Variants in SH3BP2 observed in about 807,000 individuals in gnomAD.
SH3BP2 encodes the protein SH3 domain-binding protein 2.
Under a neutral mutation model 56.2 loss-of-function variants are expected in SH3BP2, and 38 were observed. The observed-to-expected ratio is 0.68, with a 90% CI of 0.52 to 0.89. The LOEUF is 0.89. Among genes scored for constraint, SH3BP2 ranks in the 40% least tolerant of loss-of-function variants. The probability of loss-of-function intolerance (pLI) is 0.00; values close to 1 mark genes in which losing one functional copy is unlikely to be tolerated. For missense variants in SH3BP2, 748 were observed against 762.6 expected, an observed-to-expected ratio of 0.98 and a Z score of 0.23; for synonymous variants, 346 against 316.7, an observed-to-expected ratio of 1.09 and a Z score of -0.98.
chr4:2,803,721 C>T (rs1008928386), intron 1 of SH3BP2, among the ~76,000 whole-genome samples: 6 of 152,184 alleles, frequency 3.9e-5, no homozygotes, highest in African/African-American at 1.4e-4. Context: ...CTTCTCTTAC[C>T]TGCAACCCCA....
intron 1 of SH3BP2, among the ~76,000 whole-genome samples, chr4:2,804,554 G>T (rs1723449810): frequency 6.6e-6 from 1 of 152,208 alleles, no homozygotes; most frequent in Non-Finnish European, 1.5e-5. Context: ...GTCCTGCTGA[G>T]CTGGGCCCTG....
chr4:2,805,339 G>C (rs1723488609), intron 1 of SH3BP2, among the ~76,000 whole-genome samples: 2 of 152,208 alleles, frequency 1.3e-5, no homozygotes, highest in African/African-American at 4.8e-5. Flanking sequence ...GGAGGCCCAG[G>C]CTGCGCTTGG....
rs767056655 is a variant in SH3BP2 at position 2,833,878 on chromosome 4, C to G, written c.*44C>G. On this transcript the variant is annotated 3_prime_UTR_variant, in exon 13 of 13. Transcript: ENST00000503393. ...CCAGGCCAAGGCAGTCACAGGGGCC[C>G]TGACCCCAGGCCACACAGACGGACA... 2.0e-5 allele frequency: 31 copies of G among 1,529,442 alleles called. No homozygotes were observed. The highest frequency in any genetic ancestry group is 2.6e-5 in the Non-Finnish European group (30 of 1,139,322). 94.7% of individuals were successfully genotyped at this position (1,529,442 alleles called of 1,614,324 possible). A position where few individuals can be genotyped will look rare whatever the true frequency, so the allele number is the denominator to read the frequency against.
At chr4:2,833,290 TG>T in intron 12 of SH3BP2, 1 of 597,828 alleles carries the variant, frequency 1.7e-6, no homozygotes, top group Non-Finnish European at 3.0e-6. Flanking sequence ...CCATAGACCC[TG>T]GGTTGCTTGT....
chr4:2,833,024 T>C lies in SH3BP2; in HGVS notation c.1523T>C (p.Val508Ala). Reference protein sequence around the residue: ...LVVWDETSNKVRNYRIFEKDS... With the variant: ...LVVWDETSNKARNYRIFEKDS... ...GTGTGGGACGAAACCTCTAACAAAG[T>C]GAGGAACTATCGCATTTTTGAGAAG... The change falls in exon 12 of 13, where the codon GTG becomes GCG. Residue 508 changes from valine to alanine, a missense_variant. Physicochemically the swap from Val to Ala is moderately conservative, Grantham distance 64 (BLOSUM62 0). Transcript: ENST00000503393. The C allele has an allele frequency of 1.2e-6, 2 of 1,614,202 alleles. No homozygotes were observed. Among genetic ancestry groups the C allele is most frequent in the Non-Finnish European group, 8.5e-7 (1 of 1,180,028 alleles).
intron 1 of SH3BP2, among the ~76,000 whole-genome samples, chr4:2,805,584 G>C (rs1433378682): frequency 1.3e-5 from 2 of 152,236 alleles, no homozygotes; most frequent in Non-Finnish European, 2.9e-5. Context: ...AAGGACATGG[G>C]GGACGGACAT....
chr4:2,830,254 G>A (rs1219712613), intron 8 of SH3BP2, 107 bp downstream of exon 8: 12 of 1,115,528 alleles, frequency 1.1e-5, no homozygotes, highest in African/African-American at 3.1e-5. Flanking sequence ...CTTAGCCCAC[G>A]ACGGGGTACC....
rs1560117063 is a variant in SH3BP2 at position 2,836,713 on chromosome 4, C to A, written c.*2879C>A. 6.6e-6 allele frequency: 1 copy of A among 152,314 alleles called. No individual in the cohort carries two copies. Among genetic ancestry groups the A allele is most frequent in the Non-Finnish European group, 1.5e-5 (1 of 68,110 alleles). 9.4% of individuals were successfully genotyped at this position (152,314 alleles called of 1,614,324 possible). On this transcript the variant is annotated 3_prime_UTR_variant, in exon 13 of 13. Transcript: ENST00000503393. Reference sequence around the variant, plus strand: ...TTTCACTCAACCAAGGGGGCCACAGCACTGGGGAGTGAAACTGCCCCGCCT... The same window carrying A: ...TTTCACTCAACCAAGGGGGCCACAGAACTGGGGAGTGAAACTGCCCCGCCT...
intron 1 of SH3BP2, chr4:2,818,800 G>A (rs1383192723): frequency 2.0e-6 from 2 of 987,060 alleles, no homozygotes; most frequent in Non-Finnish European, 2.4e-6. Context: ...GGTGCAGAAG[G>A]AGCTGGTGGG....
chr4:2,804,699 G>T (rs1723457353), intron 1 of SH3BP2, among the ~76,000 whole-genome samples: 1 of 152,226 alleles, frequency 6.6e-6, no homozygotes, highest in Non-Finnish European at 1.5e-5. Flanking sequence ...TTCCTTCTGA[G>T]AGTGGGCCTG....
chr4:2,840,613 C>A lies in SH3BP2; in HGVS notation c.*6779C>A, dbSNP rs994881027. The stretch of plus-strand genomic sequence containing the variant: ...ATTATTATCAATTATGTATTGAGAT[C>A]TGATAAAGTAAGTCTTTTCCACCTT... On this transcript the variant is annotated 3_prime_UTR_variant, in exon 13 of 13. Coordinates refer to ENST00000503393, the MANE Select transcript of SH3BP2 (RefSeq NM_001122681.2). The A allele has an allele frequency of 1.3e-5, 2 of 152,194 alleles. No individual in the cohort carries two copies. The highest frequency in any genetic ancestry group is 2.9e-5 in the Non-Finnish European group (2 of 68,038). 9.4% of individuals were successfully genotyped at this position (152,194 alleles called of 1,614,324 possible).
At chr4:2,819,733 CTT>C (rs1434470327) in intron 1 of SH3BP2, among the ~76,000 whole-genome samples, 3 of 152,010 alleles carry the variant, frequency 2.0e-5, no homozygotes, top group African/African-American at 7.2e-5. Flanking sequence ...AGAGGGGACT[CTT>C]AACCTGGGTC....
At position 2,819,398 on chromosome 4, in the gene SH3BP2, A is replaced by T. The variant is rs562768181; in HGVS notation, c.-4-1216A>T. On this transcript the variant is annotated intron_variant, in intron 1 of 12. Coordinates refer to ENST00000503393, the MANE Select transcript of SH3BP2 (RefSeq NM_001122681.2). ...ACCATGCCTGACTAATTAAAAAAAA[A>T]TTTTTTTTTAGAGATAGGGTCTTGC... Among the ~76,000 whole-genome samples the T allele has an allele frequency of 3.2e-3, 467 of 143,922 alleles. 1 individual carries two copies. The highest frequency in any genetic ancestry group is 0.011 in the African/African-American group (432 of 38,620). 94.4% of individuals were successfully genotyped at this position (143,922 alleles called of 152,430 possible).
intron 5 of SH3BP2, chr4:2,826,929 C>T (rs1465663211): frequency 3.4e-6 from 2 of 584,942 alleles, no homozygotes; most frequent in African/African-American, 3.7e-5. Flanking sequence ...GCCTGTGTGC[C>T]TGTGTTCCTG....
At chr4:2,800,560 G>A (rs1205449830) in intron 1 of SH3BP2, among the ~76,000 whole-genome samples, 1 of 111,276 alleles carries the variant, frequency 9.0e-6, no homozygotes, top group East Asian at 2.8e-4. Flanking sequence ...CCCCCCCCCC[G>A]GGCTGATGAC....
At chr4:2,802,404 ATGTGTGTGTGTGTGTGTGTGTG>A (rs1175501543) in intron 1 of SH3BP2, among the ~76,000 whole-genome samples, 1 of 135,900 alleles carries the variant, frequency 7.4e-6, no homozygotes, top group African/African-American at 2.9e-5. Flanking sequence ...AAAAAAATAT[ATGTGTGTGTGTGTGTGTGTGTG>A]TGTGTGTGTG....
At position 2,812,441 on chromosome 4, in the gene SH3BP2, G is replaced by C. The variant is rs1228428989; in HGVS notation, c.-4-8173G>C. ...AGGACACCGGCCCCGAGCAGGTCAC[G>C]AGGACGGAGGGCCATGTGTTGGGTC... is the stretch of plus-strand genomic sequence containing the variant. On this transcript the variant is annotated intron_variant, in intron 1 of 12. Coordinates refer to ENST00000503393, the MANE Select transcript of SH3BP2 (RefSeq NM_001122681.2). The C allele has an allele frequency of 3.9e-6, 6 of 1,550,186 alleles. No individual in the cohort carries two copies. In the African/African-American group the frequency reaches 4.1e-5, roughly 11 times the overall value.
chr4:2,820,539 TC>T, intron 1 of SH3BP2, 74 bp from the exon 2 acceptor site: 1 of 1,573,874 alleles, frequency 6.4e-7, no homozygotes. Context: ...CTTGGCAGTG[TC>T]CCCCTGAGCG....
At chr4:2,802,442 G>GTGTGTA (rs761727747) in intron 1 of SH3BP2, among the ~76,000 whole-genome samples, 12 of 142,682 alleles carry the variant, frequency 8.4e-5, no homozygotes, top group African/African-American at 3.2e-4. Flanking sequence ...GTGTGTGTGT[G>GTGTGTA]TATGTATATA....
Sources: allele counts gnomAD v4.1 joint callset (sites outside exome capture counted in the v4.1 genomes callset), GRCh38; gene constraint gnomAD v4.1.1; transcripts MANE v1.5; gene names NCBI Gene and HGNC (gene_info 2026-07-23, HGNC 2026-07-21).